The following INPP4B variants were observed in gnomAD, a reference collection of about 807,000 sequenced individuals.
INPP4B encodes the protein inositol polyphosphate-4-phosphatase type II B.
A neutral mutation model predicts 122.5 loss-of-function variants in INPP4B; 55 were observed. That is an observed-to-expected ratio of 0.45 (90% CI 0.36 to 0.56). The LOEUF is 0.56. Ranked by LOEUF, INPP4B falls within the 20% of genes least tolerant of loss-of-function variation. The pLI, the probability that INPP4B is intolerant of heterozygous loss-of-function variation, is 0.00. For synonymous variants in INPP4B, 403 were observed against 388.7 expected (o/e 1.04, Z -0.43); for missense variants, 1,000 against 1,097.7 (o/e 0.91, Z 1.26).
chr4:142,155,952 T>C (rs543251328), intron 17 of INPP4B, among the ~76,000 whole-genome samples: 1 of 148,178 alleles, frequency 6.7e-6, no homozygotes, highest in Admixed American at 6.7e-5. Context: ...TATGGATGGA[T>C]CATCCATTGT....
chr4:142,285,182 T>A (rs1345008194), intron 9 of INPP4B, among the ~76,000 whole-genome samples: 1 of 151,614 alleles, frequency 6.6e-6, no homozygotes, highest in Non-Finnish European at 1.5e-5. Flanking sequence ...AATGATGAGA[T>A]CTCGGAGATG....
At chr4:142,675,977 G>T (rs1757704013) in intron 2 of INPP4B, among the ~76,000 whole-genome samples, 2 of 152,136 alleles carry the variant, frequency 1.3e-5, no homozygotes, top group South Asian at 4.1e-4. Flanking sequence ...ATTCAACATA[G>T]TGTTGGAAGT....
intron 2 of INPP4B, among the ~76,000 whole-genome samples, chr4:142,513,413 CTT>C (rs200942087): frequency 2.0e-5 from 3 of 146,698 alleles, no homozygotes; most frequent in Non-Finnish European, 3.0e-5. Context: ...GGGTCTCTCT[CTT>C]TTTTTTTTTG....
chr4:142,710,093 TA>T (rs1206581415), intron 2 of INPP4B, among the ~76,000 whole-genome samples: 1 of 152,210 alleles, frequency 6.6e-6, no homozygotes, highest in Non-Finnish European at 1.5e-5. Context: ...CCAGCATAGT[TA>T]ATTCCTTCTG....
intron 11 of INPP4B, among the ~76,000 whole-genome samples, chr4:142,253,382 T>C (rs563162426): frequency 6.6e-6 from 1 of 152,368 alleles, no homozygotes; most frequent in Non-Finnish European, 1.5e-5. Context: ...AGCTCCGGTC[T>C]ACAGCTCCCA....
At chr4:142,134,381 T>C (rs1158184892) in intron 18 of INPP4B, among the ~76,000 whole-genome samples, 2 of 152,196 alleles carry the variant, frequency 1.3e-5, no homozygotes, top group Non-Finnish European at 2.9e-5. Context: ...TACTTCATAA[T>C]TCATTGTACA....
chr4:142,253,538 T>C lies in INPP4B; in HGVS notation c.688+6954A>G, dbSNP rs1030011678. ...GAAGCAGGGCGAGGCATTGCCTCAC[T>C]CGGGAAGTGCAAGGGGTCAGGGAGT... On this transcript the variant is annotated intron_variant, in intron 11 of 25. Transcript: ENST00000262992. 3.9e-5 allele frequency among the ~76,000 whole-genome samples: 6 copies of C among 152,160 alleles called. 1 individual carries two copies.
intron 2 of INPP4B, among the ~76,000 whole-genome samples, chr4:142,517,265 T>C (rs1216245560): frequency 2.6e-5 from 4 of 152,050 alleles, no homozygotes; most frequent in Non-Finnish European, 5.9e-5. Context: ...ATTCTAATAA[T>C]AGTCATTGGG....
chr4:142,492,504 C>A (rs1249164486), intron 2 of INPP4B, among the ~76,000 whole-genome samples: 1 of 152,044 alleles, frequency 6.6e-6, no homozygotes, highest in East Asian at 1.9e-4. Context: ...ATGGCTTTGA[C>A]CAAAATGCGA....
At chr4:142,263,639 AATAT>A (rs36227189) in intron 10 of INPP4B, among the ~76,000 whole-genome samples, 574 of 41,818 alleles carry the variant, frequency 0.014, 7 homozygotes, top group South Asian at 0.04. Context: ...AAATTCGTAA[AATAT>A]ATATATATAT....
chr4:142,401,560 A>G, intron 7 of INPP4B, among the ~76,000 whole-genome samples: 1 of 152,342 alleles, frequency 6.6e-6, no homozygotes, highest in South Asian at 2.1e-4. Context: ...GATTTTTACT[A>G]TTTATAAGAA....
chr4:142,431,122 T>C lies in INPP4B; in HGVS notation c.91+47A>G, dbSNP rs367897373. 1.6e-5 allele frequency: 23 copies of C among 1,435,992 alleles called. No individual in the cohort carries two copies. The African/African-American group carries it at 3.2e-4, about 20-fold the overall frequency. The allele number at this position is 1,435,992 out of a possible 1,614,324, so 89.0% of individuals were successfully genotyped here. A position where few individuals can be genotyped will look rare whatever the true frequency, so the allele number is the denominator to read the frequency against. ...GTATGTGTAAGTTTCATCGGCCCAA[T>C]TTGCATCTTTAGATGCAAAAACAGG... On this transcript the variant is annotated intron_variant, in intron 4 of 25. Coordinates refer to ENST00000262992, the MANE Select transcript of INPP4B (RefSeq NM_001101669.3).
intron 7 of INPP4B, among the ~76,000 whole-genome samples, chr4:142,336,461 G>A (rs948241683): frequency 6.6e-5 from 10 of 152,166 alleles, no homozygotes; most frequent in Admixed American, 1.3e-4. Flanking sequence ...CACGGGTGGC[G>A]GGACCAAACA....
rs759910497 is a variant in INPP4B, at chr4:142,793,814, GA to G, written c.-254+52394del. The stretch of plus-strand genomic sequence containing the variant: ...TAAAGATGCTACTTTAAAATAGCAT[GA>G]AAAAAAATCCACAAAGTAGTTAAGA... On this transcript the variant is annotated intron_variant, in intron 1 of 25. Coordinates refer to ENST00000262992, the MANE Select transcript of INPP4B (RefSeq NM_001101669.3). Among the ~76,000 whole-genome samples, 134 of 151,424 alleles carry G rather than the reference GA, an allele frequency of 8.8e-4. 1 individual carries two copies. The East Asian group carries it at 0.016, about 18-fold the overall frequency.
intron 7 of INPP4B, among the ~76,000 whole-genome samples, chr4:142,400,107 C>T (rs1801107889): frequency 6.6e-6 from 1 of 152,112 alleles, no homozygotes; most frequent in South Asian, 2.1e-4. Context: ...GAGAAAAGGC[C>T]ATCATTTCTC....
chr4:142,420,025 G>A (rs1806532743), intron 5 of INPP4B, among the ~76,000 whole-genome samples: 1 of 152,036 alleles, frequency 6.6e-6, no homozygotes, highest in Admixed American at 6.6e-5. Context: ...AGACAATGGA[G>A]GGAGAAAGTA....
intron 9 of INPP4B, among the ~76,000 whole-genome samples, chr4:142,294,190 T>C (rs1284909579): frequency 6.6e-6 from 1 of 152,140 alleles, no homozygotes; most frequent in Non-Finnish European, 1.5e-5. Context: ...CCTAAATGTA[T>C]TGTAAAAAGA....
At chr4:142,268,655 T>C (rs1175665561) in intron 10 of INPP4B, among the ~76,000 whole-genome samples, 1 of 152,068 alleles carries the variant, frequency 6.6e-6, no homozygotes, top group African/African-American at 2.4e-5. Flanking sequence ...TATACCACAA[T>C]AAAAAACTAT....
Position 142,325,198 on chromosome 4 carries a change from C to T in INPP4B, c.373-10436G>A, listed in dbSNP as rs187870028. Among the ~76,000 whole-genome samples the T allele has an allele frequency of 4.2e-3, 645 of 152,298 alleles. 8 individuals carry two copies. Among genetic ancestry groups the T allele is most frequent in the African/African-American group, 0.014 (597 of 41,568 alleles). Reference sequence around the variant, plus strand: ...GCAGTGCTTGTCCCACCTACCACATCCTACCCAAACCGAACTCCTTAATAT... The same window carrying T: ...GCAGTGCTTGTCCCACCTACCACATTCTACCCAAACCGAACTCCTTAATAT... On this transcript the variant is annotated intron_variant, in intron 7 of 25. Coordinates refer to ENST00000262992, the MANE Select transcript of INPP4B (RefSeq NM_001101669.3).
Sources: allele counts gnomAD v4.1 joint callset (sites outside exome capture counted in the v4.1 genomes callset), GRCh38; gene constraint gnomAD v4.1.1; transcripts MANE v1.5; gene names NCBI Gene and HGNC (gene_info 2026-07-23, HGNC 2026-07-21).